The following EYS variants were observed in gnomAD, a reference collection of about 807,000 sequenced individuals.
EYS encodes protein eyes shut homolog.
A neutral mutation model predicts 282.1 loss-of-function variants in EYS; 250 were observed. The observed-to-expected ratio is 0.89, with a 90% CI of 0.80 to 0.98. The LOEUF (loss-of-function observed/expected upper bound fraction) is 0.98. EYS is among the 50% of genes least tolerant of loss of function. The pLI, the probability that EYS is intolerant of heterozygous loss-of-function variation, is 0.00. For synonymous variants in EYS, 1,355 were observed against 1,282.9 expected (o/e 1.06, Z -1.20); for missense variants, 4,016 against 3,709.0 (o/e 1.08, Z -2.15).
chr6:63,888,318 C>T (rs2149722957), intron 35 of EYS, among the ~76,000 whole-genome samples: 1 of 152,346 alleles, frequency 6.6e-6, no homozygotes, highest in South Asian at 2.1e-4. Context: ...TCAAATGGGT[C>T]CTTGACCCCT....
At chr6:63,994,549 T>C (rs558052163) in intron 34 of EYS, among the ~76,000 whole-genome samples, 1 of 151,970 alleles carries the variant, frequency 6.6e-6, no homozygotes, top group South Asian at 2.1e-4. Flanking sequence ...GCAAACCTTC[T>C]ACTGACCATT....
At chr6:65,268,520 T>A (rs568059781) in intron 12 of EYS, among the ~76,000 whole-genome samples, 5 of 152,068 alleles carry the variant, frequency 3.3e-5, no homozygotes, top group Non-Finnish European at 7.4e-5. Context: ...GCAAATAAAG[T>A]CATTGATAAA....
At chr6:64,820,585 C>T (rs1374506526) in intron 21 of EYS, among the ~76,000 whole-genome samples, 1 of 152,038 alleles carries the variant, frequency 6.6e-6, no homozygotes, top group East Asian at 1.9e-4. Flanking sequence ...GATAATTATG[C>T]TTTTTAAAAC....
chr6:63,859,073 G>C (rs1310862253), intron 36 of EYS, among the ~76,000 whole-genome samples: 1 of 79,694 alleles, frequency 1.3e-5, no homozygotes, highest in Non-Finnish European at 2.2e-5. Context: ...ATGTCCTAGA[G>C]AGTTTTTTTT....
intron 1 of EYS, among the ~76,000 whole-genome samples, chr6:65,661,385 A>G (rs1362238331): frequency 6.6e-6 from 1 of 151,980 alleles, no homozygotes; most frequent in African/African-American, 2.4e-5. Flanking sequence ...TCTTGAGGGA[A>G]CTGAGGCTTA....
Position 65,064,305 on chromosome 6 carries a change from TA to T in EYS, c.2024-6579del, listed in dbSNP as rs762228123. ...TCATATAGTATACTATTCTTCTCTT[TA>T]TTTTTTTGTGGATTGTCCTAAGTCC... On this transcript the variant is annotated intron_variant, in intron 12 of 42. Transcript: ENST00000503581. Among the ~76,000 whole-genome samples, 6 of 143,246 alleles carry T rather than the reference TA, an allele frequency of 4.2e-5. No individual in the cohort carries two copies. In the South Asian group the frequency reaches 6.5e-4, roughly 15 times the overall value. The allele number at this position is 143,246 out of a possible 152,430, so 94.0% of individuals were successfully genotyped here. A position where few individuals can be genotyped will look rare whatever the true frequency, so the allele number is the denominator to read the frequency against.
intron 22 of EYS, among the ~76,000 whole-genome samples, chr6:64,686,742 A>AATATATATATATATATATATGTGTGT (rs1186855307): frequency 8.9e-5 from 3 of 33,728 alleles, no homozygotes; most frequent in Admixed American, 3.9e-4. Flanking sequence ...ATTCCATCTA[A>AATATATATATATATATATATGTGTGT]ATATATATAT....
rs1408771669 is a variant in EYS at position 65,676,099 on chromosome 6, T to C, written c.-448+31036A>G. On this transcript the variant is annotated intron_variant, in intron 1 of 42. Transcript: ENST00000503581. Reference sequence around the variant, plus strand: ...AGCAAAAGCAGCACTAGGAAAGAACTTCATCGTGATAAACACCTACATTAT... The same window carrying C: ...AGCAAAAGCAGCACTAGGAAAGAACCTCATCGTGATAAACACCTACATTAT... Among the ~76,000 whole-genome samples the C allele has an allele frequency of 4.6e-5, 7 of 151,808 alleles. No homozygotes were observed. In the East Asian group the frequency reaches 1.2e-3, roughly 25 times the overall value.
At chr6:64,719,247 C>T (rs1223963552) in intron 22 of EYS, among the ~76,000 whole-genome samples, 1 of 152,036 alleles carries the variant, frequency 6.6e-6, no homozygotes, top group Non-Finnish European at 1.5e-5. Flanking sequence ...TTGATTTGGG[C>T]CTTTCCCAAC....
intron 35 of EYS, among the ~76,000 whole-genome samples, chr6:63,892,849 T>A (rs1773443093): frequency 1.3e-5 from 2 of 152,116 alleles, no homozygotes; most frequent in African/African-American, 2.4e-5. Context: ...AGGGCTAATA[T>A]CCTGAATCCA....
At chr6:63,751,892 C>G (rs537092403) in intron 41 of EYS, among the ~76,000 whole-genome samples, 2 of 152,244 alleles carry the variant, frequency 1.3e-5, no homozygotes, top group Admixed American at 6.5e-5. Context: ...CTATTTTGTT[C>G]TGAATGATCT....
rs1469605452 is a variant in EYS, at chr6:65,315,085, A to C, written c.1767-18966T>G. Reference sequence around the variant, plus strand: ...CTCTGACTTTTGTAGCCATAGGGATACATTAATACCTGTGCCTCATACTTA... The same window carrying C: ...CTCTGACTTTTGTAGCCATAGGGATCCATTAATACCTGTGCCTCATACTTA... On this transcript the variant is annotated intron_variant, in intron 11 of 42. Transcript: ENST00000503581. Among the ~76,000 whole-genome samples the C allele has an allele frequency of 3.9e-5, 6 of 152,196 alleles. No homozygotes were observed. In the East Asian group the frequency reaches 9.7e-4, roughly 25 times the overall value.
chr6:64,315,444 C>G (rs1769917559), intron 29 of EYS, among the ~76,000 whole-genome samples: 1 of 151,966 alleles, frequency 6.6e-6, no homozygotes, highest in African/African-American at 2.4e-5. Context: ...GATACCAAAA[C>G]CTGGCAGAGA....
rs1454679493 is a variant in EYS, at chr6:63,721,221, C to T, written c.8810G>A (p.Cys2937Tyr). 6.4e-7 allele frequency: 1 copy of T among 1,551,708 alleles called. No homozygotes were observed. The highest frequency in any genetic ancestry group is 8.7e-7 in the Non-Finnish European group (1 of 1,146,930). ...TCCCACCCAACCCAAAGTACACAGG[C>T]AACTGTAAGAAAATGATTGGTCAGG... ...CIPDQSFSYS[C>Y]LCTLGWVGRY... Residue 2937 changes from cysteine to tyrosine, a missense_variant, in exon 43 of 43, where the codon TGC becomes TAC. By Grantham distance (194) the Cys-to-Tyr change is radical. Coordinates refer to ENST00000503581, the MANE Select transcript of EYS (RefSeq NM_001142800.2).
intron 12 of EYS, among the ~76,000 whole-genome samples, chr6:65,235,668 G>GAA (rs1766904009): frequency 6.6e-6 from 1 of 152,132 alleles, no homozygotes; most frequent in East Asian, 1.9e-4. Context: ...ATTTTAAGAT[G>GAA]GCAAAATTAT....
chr6:64,393,893 A>T (rs1773257033), intron 28 of EYS, among the ~76,000 whole-genome samples: 1 of 151,938 alleles, frequency 6.6e-6, no homozygotes, highest in African/African-American at 2.4e-5. Flanking sequence ...CCATTGTCTC[A>T]GCCCAAAATC....
In EYS at chr6:65,198,194, CTG is replaced by C. The variant is rs370329884; in HGVS notation, c.2023+97667_2023+97668del. 6.3e-3 allele frequency among the ~76,000 whole-genome samples: 957 copies of C among 152,178 alleles called. 11 individuals are homozygous for C. Among genetic ancestry groups the C allele is most frequent in the African/African-American group, 0.022 (907 of 41,548 alleles). ...CACACAATAAGGATCATCAATATCACTGTCTTCTACCGCCACATCTTGTCCCA... is the reference window on the plus strand; with the variant it reads ...CACACAATAAGGATCATCAATATCACTCTTCTACCGCCACATCTTGTCCCA... On this transcript the variant is annotated intron_variant, in intron 12 of 42. Coordinates refer to ENST00000503581, the MANE Select transcript of EYS (RefSeq NM_001142800.2).
At chr6:64,390,070 T>C (rs1014597266) in intron 28 of EYS, among the ~76,000 whole-genome samples, 5 of 151,918 alleles carry the variant, frequency 3.3e-5, no homozygotes, top group Admixed American at 6.6e-5. Context: ...TCCAACGGGC[T>C]TAAAAAACGG....
chr6:65,459,503 A>G (rs1470003565), intron 5 of EYS, among the ~76,000 whole-genome samples: 3 of 152,044 alleles, frequency 2.0e-5, no homozygotes, highest in Non-Finnish European at 4.4e-5. Flanking sequence ...TGATTAAGAT[A>G]ATAAGAATGT....
Sources: allele counts gnomAD v4.1 joint callset (sites outside exome capture counted in the v4.1 genomes callset), GRCh38; gene constraint gnomAD v4.1.1; transcripts MANE v1.5; gene names NCBI Gene and HGNC (gene_info 2026-07-23, HGNC 2026-07-21).